Variants in DCAF4 observed in about 807,000 individuals in gnomAD.
The protein encoded by DCAF4 is DDB1- and CUL4-associated factor 4.
Under a neutral mutation model 60.9 loss-of-function variants are expected in DCAF4, and 37 were observed. The ratio of observed to expected loss-of-function variants is 0.61; its 90% CI spans 0.47 to 0.80. The LOEUF (loss-of-function observed/expected upper bound fraction) is 0.80. Among genes scored for constraint, DCAF4 ranks in the 30% least tolerant of loss-of-function variants. DCAF4 has a pLI of 0.00. For synonymous variants in DCAF4, 243 were observed against 254.8 expected (o/e 0.95, Z 0.44); for missense variants, 577 against 650.0 (o/e 0.89, Z 1.22).
At chr14:72,947,028 AGAG>A in intron 7 of DCAF4, 111 bp from the exon 8 acceptor site, 2 of 1,382,002 alleles carry the variant, frequency 1.4e-6, no homozygotes, top group Non-Finnish European at 2.1e-6. Context: ...GCCCATTTGA[AGAG>A]GAGCAGGACG....
chr14:72,940,031 G>T (rs1889818173), intron 3 of DCAF4, 129 bp downstream of exon 3: 14 of 1,184,856 alleles, frequency 1.2e-5, no homozygotes, highest in Non-Finnish European at 1.7e-5. Flanking sequence ...CGTCAGGAAT[G>T]GTGGTCATGA....
chr14:72,953,721 A>AT (rs1567324507), intron 9 of DCAF4, among the ~76,000 whole-genome samples: 2 of 52,872 alleles, frequency 3.8e-5, no homozygotes, highest in Non-Finnish European at 6.7e-5. Context: ...AAAAAAAAAA[A>AT]AAAAAAAAAA....
chr14:72,954,556 TC>T lies in DCAF4; in HGVS notation c.1005+75del, dbSNP rs2140305200. 22 of 863,954 alleles carry T rather than the reference TC, an allele frequency of 2.5e-5. No homozygotes were observed. The South Asian group carries it at 4.4e-4, about 17-fold the overall frequency. The allele number at this position is 863,954 out of a possible 1,614,324, so 53.5% of individuals were successfully genotyped here. ...AAATTTGGCCAGATTGAAATTGGAC[TC>T]CTCTGTGTGCCATCTAGTACTCTTT... On this transcript the variant is annotated intron_variant, in intron 11 of 13. Transcript: ENST00000358377.
intron 6 of DCAF4, among the ~76,000 whole-genome samples, chr14:72,943,639 G>A (rs765451488): frequency 6.6e-6 from 1 of 152,166 alleles, no homozygotes; most frequent in Non-Finnish European, 1.5e-5. Flanking sequence ...TGGAAGCCAA[G>A]GTCAGCCGCT....
At chr14:72,936,932 T>C (rs1770696144) in intron 1 of DCAF4, among the ~76,000 whole-genome samples, 1 of 152,172 alleles carries the variant, frequency 6.6e-6, no homozygotes. Flanking sequence ...AAAGGAAGAA[T>C]GTAGCCTCCT....
At chr14:72,955,425 C>A in intron 11 of DCAF4, 98 bp from the exon 12 acceptor site, 1 of 1,431,492 alleles carries the variant, frequency 7.0e-7, no homozygotes, top group Non-Finnish European at 9.6e-7. Flanking sequence ...CCGTCTGACC[C>A]AGAGGCTGGA....
chr14:72,956,014 T>C (rs1196031010), intron 12 of DCAF4, among the ~76,000 whole-genome samples: 1 of 139,918 alleles, frequency 7.1e-6, no homozygotes, highest in African/African-American at 2.6e-5. Context: ...CCTCTGTCTC[T>C]CAGGTTCAAG....
chr14:72,954,860 T>C (rs1892061812), intron 11 of DCAF4, among the ~76,000 whole-genome samples: 1 of 152,314 alleles, frequency 6.6e-6, no homozygotes, highest in Non-Finnish European at 1.5e-5. Context: ...TGAATGGCTG[T>C]AATCCCAACA....
chr14:72,927,565 A>G (rs1887774641), intron 1 of DCAF4, among the ~76,000 whole-genome samples: 1 of 151,692 alleles, frequency 6.6e-6, no homozygotes, highest in Non-Finnish European at 1.5e-5. Context: ...GTTAGCCAGG[A>G]TGGTCTCGAT....
At chr14:72,942,035 G>A in intron 5 of DCAF4, 1 of 514,826 alleles carries the variant, frequency 1.9e-6, no homozygotes, top group East Asian at 3.1e-5. Context: ...GGGGACTCTT[G>A]CAGGAGGATA....
intron 9 of DCAF4, among the ~76,000 whole-genome samples, chr14:72,953,510 G>A (rs967711303): frequency 2.6e-5 from 4 of 151,148 alleles, no homozygotes; most frequent in African/African-American, 9.7e-5. Context: ...AGGAGTTCAA[G>A]ACCAGCCTGA....
Position 72,955,591 on chromosome 14 carries a change from A to G in DCAF4, c.1074A>G (p.Gln358=), listed in dbSNP as rs745453198. The change falls in exon 12 of 14, where the codon CAA becomes CAG. Residue 358 remains glutamine (Q), a synonymous_variant. Coordinates refer to ENST00000358377, the MANE Select transcript of DCAF4 (RefSeq NM_015604.4). Reference sequence around the variant, plus strand: ...CCATTGATCTGCGTTGTGGAAATCAAGGCAAGGGATGGAAGGCCACCCGCC... The same window carrying G: ...CCATTGATCTGCGTTGTGGAAATCAGGGCAAGGGATGGAAGGCCACCCGCC... The part of the protein sequence containing the change: ...IFAIDLRCGN[Q]GKGWKATRLF... 11 of 1,614,052 alleles carry G rather than the reference A, an allele frequency of 6.8e-6. No homozygotes were observed. The African/African-American group carries it at 1.3e-4, about 20-fold the overall frequency.
chr14:72,953,772 A>T (rs1567325456), intron 9 of DCAF4, among the ~76,000 whole-genome samples: 12 of 40,432 alleles, frequency 3.0e-4, no homozygotes, highest in African/African-American at 4.5e-4. Context: ...TAGTTTATTT[A>T]TTTATTTATT....
chr14:72,958,756 G>C lies in DCAF4; in HGVS notation c.1439G>C (p.Gly480Ala). Residue 480 changes from glycine (G) to alanine (A), a missense_variant, in exon 14 of 14, where the codon GGG (glycine) becomes GCG (alanine). Coordinates refer to ENST00000358377, the MANE Select transcript of DCAF4 (RefSeq NM_015604.4). Reference protein sequence around the residue: ...SRLGGSRGAPGLLMAVGQDLY... With the variant: ...SRLGGSRGAPALLMAVGQDLY... The stretch of plus-strand genomic sequence containing the variant: ...CTGGGGGGCTCCCGGGGCGCGCCGG[G>C]GCTGCTCATGGCTGTCGGGCAGGAC... The C allele has an allele frequency of 1.2e-6, 2 of 1,605,274 alleles. No individual in the cohort carries two copies. Among genetic ancestry groups the C allele is most frequent in the Non-Finnish European group, 1.7e-6 (2 of 1,175,760 alleles).
intron 6 of DCAF4, 36 bp downstream of exon 6, chr14:72,943,132 T>A: frequency 1.3e-6 from 2 of 1,579,452 alleles, no homozygotes; most frequent in Non-Finnish European, 1.7e-6. Flanking sequence ...AGGGTGTGGC[T>A]GCCACCCTCT....
chr14:72,937,655 G>A (rs1204262378), intron 1 of DCAF4, among the ~76,000 whole-genome samples: 2 of 152,016 alleles, frequency 1.3e-5, no homozygotes, highest in African/African-American at 4.8e-5. Flanking sequence ...TCCTGACCTC[G>A]TGATCCGCCT....
intron 1 of DCAF4, among the ~76,000 whole-genome samples, chr14:72,934,246 C>T (rs561477351): frequency 2.6e-5 from 4 of 152,120 alleles, no homozygotes; most frequent in East Asian, 1.9e-4. Context: ...CTCCACCTCC[C>T]GGGTTCAAGC....
chr14:72,931,988 CTT>C (rs146250601), intron 1 of DCAF4, among the ~76,000 whole-genome samples: 1,751 of 116,882 alleles, frequency 0.015, 16 homozygotes, highest in Non-Finnish European at 0.022. Flanking sequence ...ATTTTTCCTT[CTT>C]TTTTTTTTTT....
chr14:72,955,769 T>G (rs1892194142), intron 12 of DCAF4, 73 bp downstream of exon 12: 1 of 1,420,012 alleles, frequency 7.0e-7, no homozygotes, highest in Non-Finnish European at 9.7e-7. Context: ...AGGGTTCTGC[T>G]GAAGAGGTCC....
Sources: gnomAD v4.1 joint callset for allele counts (sites outside exome capture counted in the v4.1 genomes callset) on GRCh38, gnomAD v4.1.1 for gene constraint, MANE v1.5 for transcripts, NCBI Gene and HGNC (gene_info 2026-07-23, HGNC 2026-07-21) for gene names.